The following OPCML variants were observed in gnomAD, a reference collection of about 807,000 sequenced individuals.
OPCML encodes opioid binding protein/cell adhesion molecule like.
Under a neutral mutation model 37.8 loss-of-function variants are expected in OPCML, and 13 were observed. The observed-to-expected ratio is 0.34, with a 90% confidence interval of 0.22 to 0.55. The LOEUF (loss-of-function observed/expected upper bound fraction) is 0.55. OPCML is among the 20% of genes least tolerant of loss of function. The pLI, the probability that OPCML is intolerant of heterozygous loss-of-function variation, is 0.91. For missense variants in OPCML, 341 were observed against 435.6 expected, an observed-to-expected ratio of 0.78 and a Z score of 1.93; for synonymous variants, 176 against 168.8, an observed-to-expected ratio of 1.04 and a Z score of -0.33.
intron 2 of OPCML, among the ~76,000 whole-genome samples, chr11:132,916,833 T>A (rs1421033696): frequency 3.3e-5 from 5 of 152,200 alleles, no homozygotes; most frequent in Non-Finnish European, 7.3e-5. Context: ...AGGATCTTAC[T>A]GCAGTCGGCA....
At chr11:133,347,303 C>T (rs1034838803) in intron 1 of OPCML, among the ~76,000 whole-genome samples, 1 of 152,194 alleles carries the variant, frequency 6.6e-6, no homozygotes, top group African/African-American at 2.4e-5. Flanking sequence ...TGCAGTTGTC[C>T]TCCCGGGAGC....
At chr11:133,335,967 C>T (rs1943736386) in intron 1 of OPCML, among the ~76,000 whole-genome samples, 1 of 151,994 alleles carries the variant, frequency 6.6e-6, no homozygotes, top group African/African-American at 2.4e-5. Context: ...AGTAGCAGGA[C>T]ACAGCCACAT....
At chr11:133,518,156 G>A (rs1489611834) in intron 1 of OPCML, among the ~76,000 whole-genome samples, 1 of 152,042 alleles carries the variant, frequency 6.6e-6, no homozygotes. Flanking sequence ...GTGTATGGGT[G>A]GTGTGTGTGG....
At chr11:132,551,630 C>T (rs1003467742) in intron 3 of OPCML, among the ~76,000 whole-genome samples, 1 of 152,166 alleles carries the variant, frequency 6.6e-6, no homozygotes, top group Admixed American at 6.5e-5. Context: ...GTTTGATCAG[C>T]TGGCTCATCT....
intron 3 of OPCML, among the ~76,000 whole-genome samples, chr11:132,555,731 C>T (rs1031118764): frequency 1.3e-5 from 2 of 152,078 alleles, no homozygotes; most frequent in African/African-American, 4.8e-5. Context: ...CCCCTTCATC[C>T]ATTTTGCTCA....
rs186981437 is a variant in OPCML at position 133,055,293 on chromosome 11, T to C, written c.62-112283A>G. Among the ~76,000 whole-genome samples, 377 of 149,068 alleles carry C rather than the reference T, an allele frequency of 2.5e-3. 3 individuals are homozygous for C. Among genetic ancestry groups the C allele is most frequent in the Non-Finnish European group, 4.3e-3 (290 of 67,046 alleles). On this transcript the variant is annotated intron_variant, in intron 1 of 7. Transcript: ENST00000524381. ...CCCCATGAGGGAGCCACCTCTATCA[T>C]ACAATGCAGCCTCCATGATACTTCC...
Position 133,173,875 on chromosome 11 carries a change from G to A in OPCML, c.62-230865C>T, listed in dbSNP as rs1950323861. On this transcript the variant is annotated intron_variant, in intron 1 of 7. Coordinates refer to ENST00000524381, the MANE Select transcript of OPCML (RefSeq NM_001012393.5). This position sits in a 1 kb window ranked among gnomAD's most constrained non-coding sequence, Gnocchi z 7.8. ...AATAATGAAGTTGATAAATGGGTCTGCACTCTGAGGGCTGGAATGAAGATT... is the reference window on the plus strand; with the variant it reads ...AATAATGAAGTTGATAAATGGGTCTACACTCTGAGGGCTGGAATGAAGATT... Among the ~76,000 whole-genome samples, 1 of 152,206 alleles carries A rather than the reference G, an allele frequency of 6.6e-6. No individual in the cohort carries two copies. The highest frequency in any genetic ancestry group is 6.5e-5 in the Admixed American group (1 of 15,278).
intron 1 of OPCML, among the ~76,000 whole-genome samples, chr11:133,168,429 T>A (rs766679910): frequency 6.6e-6 from 1 of 152,180 alleles, no homozygotes; most frequent in Non-Finnish European, 1.5e-5. Context: ...AAAGAGCCAG[T>A]CATGAAGGTT....
intron 2 of OPCML, among the ~76,000 whole-genome samples, chr11:132,748,115 G>A (rs1424519819): frequency 6.6e-6 from 1 of 150,420 alleles, no homozygotes; most frequent in Non-Finnish European, 1.5e-5. Context: ...GTGAGCCTGA[G>A]ATTATTCAAT....
intron 1 of OPCML, among the ~76,000 whole-genome samples, chr11:133,151,478 C>T (rs1344081355): frequency 6.6e-6 from 1 of 151,582 alleles, no homozygotes; most frequent in Non-Finnish European, 1.5e-5. Context: ...AAGAAGCACA[C>T]TTTTAAAAGC....
rs1382185219 is a variant in OPCML at position 132,416,359 on chromosome 11, C to T, written c.*3834G>A. 1 of 152,214 alleles carries T rather than the reference C, an allele frequency of 6.6e-6. No individual in the cohort carries two copies. Among genetic ancestry groups the T allele is most frequent in the Non-Finnish European group, 1.5e-5 (1 of 68,060 alleles). 9.4% of individuals were successfully genotyped at this position (152,214 alleles called of 1,614,324 possible). On this transcript the variant is annotated 3_prime_UTR_variant, in exon 8 of 8. Coordinates refer to ENST00000524381, the MANE Select transcript of OPCML (RefSeq NM_001012393.5). Reference sequence around the variant, plus strand: ...CCTACCATGGGCTGGCGACAGCCAACCAGCACTTGAAAATTCAATGTACAG... The same window carrying T: ...CCTACCATGGGCTGGCGACAGCCAATCAGCACTTGAAAATTCAATGTACAG...
intron 3 of OPCML, among the ~76,000 whole-genome samples, chr11:132,536,797 T>C (rs913260763): frequency 2.0e-4 from 30 of 152,210 alleles, no homozygotes; most frequent in Non-Finnish European, 8.8e-5. Flanking sequence ...ACTCAAATAG[T>C]ATAATATTTT....
At chr11:133,262,502 A>G (rs984073630) in intron 1 of OPCML, among the ~76,000 whole-genome samples, 1 of 152,196 alleles carries the variant, frequency 6.6e-6, no homozygotes, top group Admixed American at 6.5e-5. Flanking sequence ...CAGATGTTAG[A>G]TCCATTCTGC....
chr11:132,859,790 A>G (rs1673351011), intron 2 of OPCML, among the ~76,000 whole-genome samples: 1 of 152,230 alleles, frequency 6.6e-6, no homozygotes, highest in South Asian at 2.1e-4. Context: ...GTTTTCAACA[A>G]AATACTTCCC....
At chr11:132,723,069 G>A (rs1944733322) in intron 2 of OPCML, among the ~76,000 whole-genome samples, 2 of 152,132 alleles carry the variant, frequency 1.3e-5, no homozygotes, top group African/African-American at 2.4e-5. Flanking sequence ...ACCTGATAAT[G>A]CACTTTGCCT....
At chr11:132,665,067 T>C (rs1371048376) in intron 2 of OPCML, among the ~76,000 whole-genome samples, 2 of 151,984 alleles carry the variant, frequency 1.3e-5, no homozygotes, top group African/African-American at 2.4e-5. Context: ...CATTAATACA[T>C]AGGAAGGGTG....
At chr11:133,306,970 C>T (rs1384430871) in intron 1 of OPCML, among the ~76,000 whole-genome samples, 1 of 152,016 alleles carries the variant, frequency 6.6e-6, no homozygotes, top group African/African-American at 2.4e-5. Flanking sequence ...AGTAGATAAC[C>T]CTGTACCACG....
intron 4 of OPCML, among the ~76,000 whole-genome samples, chr11:132,501,489 A>G (rs907316460): frequency 5.3e-5 from 8 of 152,002 alleles, no homozygotes; most frequent in Non-Finnish European, 1.0e-4. Flanking sequence ...GGGAACTATC[A>G]TTTGCCAGTT....
intron 2 of OPCML, among the ~76,000 whole-genome samples, chr11:132,715,741 T>C (rs970902675): frequency 4.6e-5 from 7 of 152,190 alleles, no homozygotes; most frequent in African/African-American, 1.7e-4. Flanking sequence ...CCTGGCACTG[T>C]GAGAAATAAA....
Sources: gnomAD v4.1 joint callset for allele counts (sites outside exome capture counted in the v4.1 genomes callset) on GRCh38, gnomAD v4.1.1 for gene constraint, Gnocchi (gnomAD v3.1) non-coding constraint, MANE v1.5 for transcripts, NCBI Gene and HGNC (gene_info 2026-07-23, HGNC 2026-07-21) for gene names.